Variants in ATP8A1 observed in about 807,000 individuals in gnomAD.
ATP8A1 encodes phospholipid-transporting ATPase IA.
ATP8A1 carries 90 observed loss-of-function variants against 177.7 expected under a neutral mutation model. That is an observed-to-expected ratio of 0.51 (90% confidence interval 0.43 to 0.60). ATP8A1 has a LOEUF of 0.60. Among genes scored for constraint, ATP8A1 ranks in the 20% least tolerant of loss-of-function variants. The pLI is 0.00. For synonymous variants in ATP8A1, 493 were observed against 485.9 expected, an observed-to-expected ratio of 1.01 and a Z score of -0.19; for missense variants, 1,072 against 1,392.8, an observed-to-expected ratio of 0.77 and a Z score of 3.67.
intron 19 of ATP8A1, among the ~76,000 whole-genome samples, chr4:42,545,608 C>T (rs998199165): frequency 1.3e-5 from 2 of 152,180 alleles, no homozygotes; most frequent in Non-Finnish European, 2.9e-5. Context: ...TCTCCATTCT[C>T]CAAGTCTCCC....
chr4:42,654,141 T>C (rs1042884191), intron 1 of ATP8A1, among the ~76,000 whole-genome samples: 2 of 152,210 alleles, frequency 1.3e-5, no homozygotes, highest in African/African-American at 4.8e-5. Flanking sequence ...AGAAGCACTG[T>C]GTGAGGGCTC....
intron 27 of ATP8A1, among the ~76,000 whole-genome samples, chr4:42,457,551 T>C (rs1217409629): frequency 6.6e-6 from 1 of 152,248 alleles, no homozygotes; most frequent in Non-Finnish European, 1.5e-5. Flanking sequence ...GCGCTCTGCA[T>C]ACCAAATTCG....
intron 2 of ATP8A1, chr4:42,625,915 ATTTT>A: frequency 1.6e-5 from 5 of 311,286 alleles, no homozygotes; most frequent in Non-Finnish European, 2.4e-5. Flanking sequence ...AATACCACAG[ATTTT>A]TTTTTTTTTG....
intron 5 of ATP8A1, among the ~76,000 whole-genome samples, chr4:42,601,831 C>A (rs2109402583): frequency 6.6e-6 from 1 of 152,188 alleles, no homozygotes; most frequent in Non-Finnish European, 1.5e-5. Flanking sequence ...AAGCCTGAAC[C>A]CTCTAAAGCG....
intron 15 of ATP8A1, chr4:42,562,113 A>G (rs1319481219): frequency 1.3e-5 from 2 of 152,198 alleles, no homozygotes; most frequent in African/African-American, 4.8e-5. Context: ...CACGCTGATG[A>G]TATCTCCTAT....
chr4:42,653,860 C>T (rs1741365677), intron 1 of ATP8A1, among the ~76,000 whole-genome samples: 1 of 152,220 alleles, frequency 6.6e-6, no homozygotes, highest in Non-Finnish European at 1.5e-5. Flanking sequence ...TCCCTCTGCT[C>T]CCGGCCAATT....
intron 16 of ATP8A1, among the ~76,000 whole-genome samples, chr4:42,554,159 A>G (rs903658827): frequency 6.6e-6 from 1 of 152,172 alleles, no homozygotes; most frequent in African/African-American, 2.4e-5. Context: ...GGCAACAATA[A>G]CTGGAGAAGA....
chr4:42,414,146 C>T (rs941036313), intron 36 of ATP8A1, among the ~76,000 whole-genome samples: 8 of 152,336 alleles, frequency 5.3e-5, no homozygotes, highest in African/African-American at 1.7e-4. Context: ...TACTACAGGG[C>T]TTTACATTTT....
intron 30 of ATP8A1, among the ~76,000 whole-genome samples, chr4:42,446,895 TA>T (rs992511173): frequency 6.7e-4 from 98 of 146,764 alleles, no homozygotes; most frequent in Middle Eastern, 3.5e-3. Context: ...TCCACAAGAT[TA>T]AAAAAAAAAA....
At chr4:42,473,569 A>T (rs902684104) in intron 25 of ATP8A1, among the ~76,000 whole-genome samples, 1 of 152,124 alleles carries the variant, frequency 6.6e-6, no homozygotes, top group African/African-American at 2.4e-5. Flanking sequence ...ACTGGAGCAC[A>T]CATGCCCTGT....
intron 1 of ATP8A1, among the ~76,000 whole-genome samples, chr4:42,636,152 A>ACGCGCGCGTGCG (rs1276251388): frequency 3.0e-5 from 1 of 33,712 alleles, no homozygotes; most frequent in South Asian, 1.0e-3. Context: ...ACACACACAC[A>ACGCGCGCGTGCG]CACACGCACA....
chr4:42,439,099 C>G (rs1239940701), intron 33 of ATP8A1, among the ~76,000 whole-genome samples: 6 of 152,104 alleles, frequency 3.9e-5, no homozygotes, highest in Non-Finnish European at 8.8e-5. Context: ...AATATAGAAG[C>G]ATGAGACCTG....
At chr4:42,484,639 T>C (rs1722018416) in intron 25 of ATP8A1, among the ~76,000 whole-genome samples, 1 of 152,138 alleles carries the variant, frequency 6.6e-6, no homozygotes, top group Non-Finnish European at 1.5e-5. Flanking sequence ...AAGAAAACGA[T>C]AAAAGCACAT....
chr4:42,420,062 A>T (rs997675841), intron 35 of ATP8A1, among the ~76,000 whole-genome samples: 1 of 152,208 alleles, frequency 6.6e-6, no homozygotes, highest in East Asian at 1.9e-4. Context: ...TCTGAAATCA[A>T]TGTCATTCTC....
intron 20 of ATP8A1, among the ~76,000 whole-genome samples, chr4:42,540,193 T>A (rs1332603703): frequency 6.6e-6 from 1 of 152,030 alleles, no homozygotes; most frequent in Non-Finnish European, 1.5e-5. Context: ...ATGCTCAACA[T>A]CACTAGCAAT....
chr4:42,443,412 C>T (rs1313445947), intron 33 of ATP8A1, among the ~76,000 whole-genome samples, 153 bp downstream of exon 33: 4 of 152,080 alleles, frequency 2.6e-5, no homozygotes, highest in African/African-American at 4.8e-5. Flanking sequence ...ATTAATCACT[C>T]GAAACTGTGG....
At chr4:42,636,132 A>G (rs1479061315) in intron 1 of ATP8A1, among the ~76,000 whole-genome samples, 1 of 35,654 alleles carries the variant, frequency 2.8e-5, no homozygotes, top group African/African-American at 8.4e-5. Flanking sequence ...ACACACACAC[A>G]CACACACACA....
At chr4:42,516,149 C>T (rs75786154) in intron 22 of ATP8A1, among the ~76,000 whole-genome samples, 2,432 of 152,198 alleles carry the variant, frequency 0.016, 65 homozygotes, top group African/African-American at 0.055. Flanking sequence ...GTCAGTCAAG[C>T]GCTGGAGACA....
intron 16 of ATP8A1, among the ~76,000 whole-genome samples, chr4:42,554,501 G>A (rs911562897): frequency 2.6e-5 from 4 of 152,156 alleles, no homozygotes; most frequent in Admixed American, 6.6e-5. Flanking sequence ...GAAGGCTCGC[G>A]CAGAAAAGAG....
Sources: allele counts gnomAD v4.1 joint callset (sites outside exome capture counted in the v4.1 genomes callset), GRCh38; gene constraint gnomAD v4.1.1; transcripts MANE v1.5; gene names NCBI Gene and HGNC (gene_info 2026-07-23, HGNC 2026-07-21).